DLG2: variants seen among roughly 807,000 people sequenced by gnomAD.
The protein encoded by DLG2 is disks large homolog 2.
A neutral mutation model predicts 132.5 loss-of-function variants in DLG2; 45 were observed. The ratio of observed to expected loss-of-function variants is 0.34; its 90% CI spans 0.27 to 0.44. DLG2 has a LOEUF of 0.44. DLG2 is among the 20% of genes least tolerant of loss of function. The probability of loss-of-function intolerance (pLI) is 1.00; values close to 1 mark genes in which losing one functional copy is unlikely to be tolerated. For synonymous variants in DLG2, 424 were observed against 419.6 expected, an observed-to-expected ratio of 1.01 and a Z score of -0.13; for missense variants, 1,045 against 1,196.9, an observed-to-expected ratio of 0.87 and a Z score of 1.87.
chr11:84,500,993 C>T (rs2099202753), intron 7 of DLG2, among the ~76,000 whole-genome samples: 1 of 152,120 alleles, frequency 6.6e-6, no homozygotes, highest in African/African-American at 2.4e-5. Context: ...GAATTTGGCT[C>T]ACCTGACTTT....
chr11:84,960,774 T>C (rs1476111025), intron 6 of DLG2, among the ~76,000 whole-genome samples: 1 of 152,046 alleles, frequency 6.6e-6, no homozygotes, highest in Non-Finnish European at 1.5e-5. Flanking sequence ...AGAAAAGAAG[T>C]TCTTATAGTA....
chr11:84,060,761 A>G (rs1334429714), intron 10 of DLG2, among the ~76,000 whole-genome samples: 2 of 152,108 alleles, frequency 1.3e-5, no homozygotes, highest in African/African-American at 4.8e-5. Context: ...ATCTCAGATC[A>G]CCATGTTGCT....
intron 19 of DLG2, among the ~76,000 whole-genome samples, chr11:83,560,835 G>T (rs630105): frequency 0.47 from 71,502 of 151,948 alleles, 17,325 homozygotes; most frequent in Admixed American, 0.57. Flanking sequence ...TAAGTCCTCC[G>T]TAAATCATTT....
At chr11:84,256,297 A>T (rs2097468713) in intron 7 of DLG2, among the ~76,000 whole-genome samples, 1 of 152,198 alleles carries the variant, frequency 6.6e-6, no homozygotes, top group African/African-American at 2.4e-5. Context: ...GGTGGTCATG[A>T]AGCCAACTAT....
At chr11:84,239,169 ATTTAT>A (rs1011380484) in intron 8 of DLG2, among the ~76,000 whole-genome samples, 8 of 152,114 alleles carry the variant, frequency 5.3e-5, no homozygotes, top group African/African-American at 1.9e-4. Context: ...TATGGAATTT[ATTTAT>A]TTTATCATTT....
intron 21 of DLG2, among the ~76,000 whole-genome samples, chr11:83,528,629 A>G (rs7122339): frequency 0.68 from 103,214 of 152,022 alleles, 35,870 homozygotes; most frequent in African/African-American, 0.81. Flanking sequence ...TGTATAGTGT[A>G]GAGTAATGGA....
At chr11:84,275,758 A>T (rs2097777879) in intron 7 of DLG2, among the ~76,000 whole-genome samples, 1 of 152,256 alleles carries the variant, frequency 6.6e-6, no homozygotes, top group Non-Finnish European at 1.5e-5. Flanking sequence ...CACAAATAAC[A>T]AAAAGGCAAA....
chr11:84,003,474 C>T (rs1458926253), intron 11 of DLG2, among the ~76,000 whole-genome samples: 1 of 152,110 alleles, frequency 6.6e-6, no homozygotes, highest in Non-Finnish European at 1.5e-5. Context: ...AATTGACTCA[C>T]AATTCAGCAT....
intron 3 of DLG2, among the ~76,000 whole-genome samples, chr11:85,548,944 C>T (rs1405385752): frequency 1.3e-5 from 2 of 152,040 alleles, no homozygotes; most frequent in Non-Finnish European, 2.9e-5. Flanking sequence ...GGTGGGACTG[C>T]CAAGCCAAAC....
intron 7 of DLG2, among the ~76,000 whole-genome samples, chr11:84,436,772 T>C (rs898247777): frequency 1.1e-4 from 17 of 152,224 alleles, no homozygotes; most frequent in African/African-American, 4.1e-4. Flanking sequence ...CTGGTCATGC[T>C]GAATACAAGA....
At chr11:84,207,420 T>C (rs896093527) in intron 8 of DLG2, among the ~76,000 whole-genome samples, 1 of 152,084 alleles carries the variant, frequency 6.6e-6, no homozygotes, top group African/African-American at 2.4e-5. Context: ...ACTAAGACAG[T>C]ATGGTATTGG....
At chr11:85,055,831 T>G (rs987881420) in intron 6 of DLG2, among the ~76,000 whole-genome samples, 13 of 152,104 alleles carry the variant, frequency 8.5e-5, no homozygotes, top group African/African-American at 3.1e-4. Flanking sequence ...GGTAAACATC[T>G]AAGGGTTAAG....
intron 6 of DLG2, among the ~76,000 whole-genome samples, chr11:85,042,374 A>G (rs1167384717): frequency 6.6e-6 from 1 of 152,026 alleles, no homozygotes; most frequent in East Asian, 1.9e-4. Flanking sequence ...ATTTATTCAG[A>G]ATTTACTTGG....
intron 14 of DLG2, among the ~76,000 whole-genome samples, chr11:83,954,578 T>C (rs903644904): frequency 1.3e-5 from 2 of 152,310 alleles, no homozygotes; most frequent in Admixed American, 1.3e-4. Flanking sequence ...GAGACATTTG[T>C]TCATGAACCT....
rs151323584 is a variant in DLG2 at position 85,189,084 on chromosome 11, G to T, written c.187-34433C>A. Among the ~76,000 whole-genome samples, 6 of 152,154 alleles carry T rather than the reference G, an allele frequency of 3.9e-5. No homozygotes were observed. In the East Asian group the frequency reaches 1.2e-3, roughly 29 times the overall value. ...AGAAAAAGAGAAAATTTTTAAGGCA[G>T]CAAGATAAAAAATATGACTCATTAA... is the stretch of plus-strand genomic sequence containing the variant. On this transcript the variant is annotated intron_variant, in intron 4 of 27. Coordinates refer to ENST00000376104, the MANE Select transcript of DLG2 (RefSeq NM_001142699.3).
At chr11:85,175,787 G>A (rs538912692) in intron 4 of DLG2, among the ~76,000 whole-genome samples, 33 of 151,952 alleles carry the variant, frequency 2.2e-4, no homozygotes, top group African/African-American at 5.8e-4. Flanking sequence ...AAATCAATAC[G>A]CAAAAATCAC....
At chr11:84,579,504 A>G (rs1182091279) in intron 6 of DLG2, among the ~76,000 whole-genome samples, 1 of 152,206 alleles carries the variant, frequency 6.6e-6, no homozygotes, top group Non-Finnish European at 1.5e-5. Context: ...GAGGAGAGGG[A>G]GAACATTTCA....
intron 4 of DLG2, among the ~76,000 whole-genome samples, chr11:85,262,942 G>T (rs1231766350): frequency 6.6e-6 from 1 of 152,148 alleles, no homozygotes; most frequent in Admixed American, 6.5e-5. Context: ...ATTTATCCCA[G>T]TGTTTGAGAA....
chr11:84,881,442 C>T (rs2087319787), intron 6 of DLG2, among the ~76,000 whole-genome samples: 1 of 152,012 alleles, frequency 6.6e-6, no homozygotes. Context: ...TGTAGGAATC[C>T]CAGATAAATA....
Sources: allele counts gnomAD v4.1 joint callset (sites outside exome capture counted in the v4.1 genomes callset), GRCh38; gene constraint gnomAD v4.1.1; transcripts MANE v1.5; gene names NCBI Gene and HGNC (gene_info 2026-07-23, HGNC 2026-07-21).